The following RXRG variants were observed in gnomAD, a reference collection of about 807,000 sequenced individuals.
The protein encoded by RXRG is retinoic acid receptor RXR-gamma.
A neutral mutation model predicts 49.2 loss-of-function variants in RXRG; 19 were observed. The observed-to-expected ratio is 0.39, with a 90% confidence interval of 0.27 to 0.57. The LOEUF (loss-of-function observed/expected upper bound fraction) is 0.57, where lower values mean the gene tolerates loss of function less well. RXRG is among the 20% of genes least tolerant of loss of function. The pLI, the probability that RXRG is intolerant of heterozygous loss-of-function variation, is 0.64. For missense variants in RXRG, 452 were observed against 592.5 expected (o/e 0.76, Z 2.46); for synonymous variants, 224 against 216.6 (o/e 1.03, Z -0.30).
At position 165,401,322 on chromosome 1, in the gene RXRG, C is replaced by T; in HGVS notation, c.1333G>A (p.Asp445Asn). The T allele has an allele frequency of 4.3e-6, 7 of 1,614,100 alleles. No homozygotes were observed. The highest frequency in any genetic ancestry group is 5.9e-6 in the Non-Finnish European group (7 of 1,180,014). The stretch of plus-strand genomic sequence containing the variant: ...ATGAGGAAGGTGTCAATGGGGGTGT[C>T]CCCGATGAGCTTGAAGAAGAAGAGG... ...EHLFFFKLIG[D>N]TPIDTFLMEM... Residue 445 changes from aspartate to asparagine, a missense_variant, in exon 10 of 10, where the codon GAC becomes AAC. Transcript: ENST00000359842.
At position 165,401,323 on chromosome 1, in the gene RXRG, C is replaced by T; in HGVS notation, c.1332G>A (p.Gly444=). ...LEHLFFFKLI[G]DTPIDTFLME... The stretch of plus-strand genomic sequence containing the variant: ...TGAGGAAGGTGTCAATGGGGGTGTC[C>T]CCGATGAGCTTGAAGAAGAAGAGGT... The change falls in exon 10 of 10, where the codon GGG becomes GGA. Residue 444 remains glycine (G), a synonymous_variant. Transcript: ENST00000359842. 3 of 1,614,062 alleles carry T rather than the reference C, an allele frequency of 1.9e-6. No individual in the cohort carries two copies. Among genetic ancestry groups the T allele is most frequent in the Middle Eastern group, 1.6e-4 (1 of 6,062 alleles).
At chr1:165,404,566 A>G (rs1657686130) in intron 9 of RXRG, among the ~76,000 whole-genome samples, 1 of 152,220 alleles carries the variant, frequency 6.6e-6, no homozygotes, top group African/African-American at 2.4e-5. Flanking sequence ...ATTGAATAAA[A>G]TTTCTAGAAT....
intron 2 of RXRG, among the ~76,000 whole-genome samples, chr1:165,423,467 G>A (rs1658387890): frequency 6.6e-6 from 1 of 152,122 alleles, no homozygotes; most frequent in African/African-American, 2.4e-5. Flanking sequence ...CTGCATTTCT[G>A]AACTGTGTTC....
intron 2 of RXRG, among the ~76,000 whole-genome samples, chr1:165,428,180 C>G (rs187009051): frequency 8.5e-5 from 13 of 152,292 alleles, no homozygotes; most frequent in Admixed American, 2.0e-4. Context: ...GCAGAAGGCA[C>G]TCGAAATTAA....
At chr1:165,431,787 C>T (rs911799434) in intron 1 of RXRG, among the ~76,000 whole-genome samples, 13 of 152,248 alleles carry the variant, frequency 8.5e-5, no homozygotes, top group African/African-American at 3.1e-4. Context: ...TGTGGTCCCT[C>T]TGCCACCAGT....
chr1:165,444,196 C>A (rs865976431), intron 1 of RXRG, among the ~76,000 whole-genome samples: 1 of 152,126 alleles, frequency 6.6e-6, no homozygotes, highest in Admixed American at 6.5e-5. Flanking sequence ...ATCTCTACCC[C>A]CAGAGTGGAA....
At position 165,428,855 on chromosome 1, in the gene RXRG, C is replaced by G; in HGVS notation, c.161G>C (p.Arg54Pro). The G allele has an allele frequency of 6.2e-7, 1 of 1,614,082 alleles. No homozygotes were observed. Among genetic ancestry groups the G allele is most frequent in the Non-Finnish European group, 8.5e-7 (1 of 1,179,998 alleles). The change falls in exon 2 of 10, where the codon CGG becomes CCG. Residue 54 changes from arginine to proline, a missense_variant. This residue lies in a region of RXRG where 166 missense variants were observed against 151.7 expected (regional missense o/e 1.09). Coordinates refer to ENST00000359842, the MANE Select transcript of RXRG (RefSeq NM_006917.5). The part of the protein sequence containing the change: ...SYTDTPVSAP[R>P]TLSAVGTPLN... ...GGGGGTCCCCACTGCACTCAGAGTC[C>G]GTGGGGCACTCACTGGGGTATCTGT...
At chr1:165,442,180 A>C (rs1659028996) in intron 1 of RXRG, among the ~76,000 whole-genome samples, 1 of 152,178 alleles carries the variant, frequency 6.6e-6, no homozygotes, top group Admixed American at 6.5e-5. Flanking sequence ...GTTAGAGGCC[A>C]AAGGTGACGT....
intron 2 of RXRG, among the ~76,000 whole-genome samples, chr1:165,423,382 G>A (rs753896215): frequency 1.3e-5 from 2 of 152,198 alleles, no homozygotes; most frequent in East Asian, 1.9e-4. Flanking sequence ...CTGCTGGATC[G>A]TCTTCCCTTT....
chr1:165,422,028 C>T (rs190352177), intron 2 of RXRG, among the ~76,000 whole-genome samples: 15 of 152,260 alleles, frequency 9.9e-5, no homozygotes, highest in South Asian at 2.1e-4. Flanking sequence ...TAGCTGACCA[C>T]GGCTCTGTCC....
chr1:165,408,635 A>G (rs561563047), intron 7 of RXRG, among the ~76,000 whole-genome samples: 5 of 152,304 alleles, frequency 3.3e-5, no homozygotes, highest in Admixed American at 3.3e-4. Context: ...AAGTCTTGGA[A>G]ATTAGAAACG....
intron 1 of RXRG, among the ~76,000 whole-genome samples, chr1:165,437,744 T>C (rs556359359): frequency 1.6e-4 from 25 of 152,236 alleles, no homozygotes; most frequent in African/African-American, 4.1e-4. Flanking sequence ...AACTGGTACA[T>C]GATGTACCAG....
chr1:165,440,024 G>C (rs1430082893), intron 1 of RXRG, among the ~76,000 whole-genome samples: 1 of 152,196 alleles, frequency 6.6e-6, no homozygotes, highest in Non-Finnish European at 1.5e-5. Flanking sequence ...ATTGTGAAGA[G>C]ATAGAGTCAA....
chr1:165,437,304 C>T, intron 1 of RXRG: 3 of 1,088,480 alleles, frequency 2.8e-6, no homozygotes, highest in South Asian at 1.4e-5. Context: ...AAGCCCATTC[C>T]CTGCCCTGGC....
At chr1:165,406,224 A>ATGG (rs1657745347) in intron 9 of RXRG, among the ~76,000 whole-genome samples, 1 of 150,656 alleles carries the variant, frequency 6.6e-6, no homozygotes, top group African/African-American at 2.4e-5. Context: ...GATCTGCTAG[A>ATGG]CCAACATCCA....
chr1:165,434,725 C>CA (rs1658776303), intron 1 of RXRG, among the ~76,000 whole-genome samples: 1 of 152,238 alleles, frequency 6.6e-6, no homozygotes, highest in Non-Finnish European at 1.5e-5. Flanking sequence ...TGTCACACAC[C>CA]AAAGCCTGTC....
chr1:165,425,056 GC>G, intron 2 of RXRG: 1 of 549,654 alleles, frequency 1.8e-6, no homozygotes, highest in Non-Finnish European at 2.3e-6. Context: ...TCTGCACACA[GC>G]CCAGTTGGCC....
chr1:165,410,071 A>G (rs17469527), intron 6 of RXRG, among the ~76,000 whole-genome samples: 24,324 of 152,158 alleles, frequency 0.16, 2,111 homozygotes, highest in Middle Eastern at 0.24. Flanking sequence ...GGATCTGACA[A>G]CCTAGTTTTG....
At chr1:165,410,271 C>A (rs2101709982) in intron 6 of RXRG, among the ~76,000 whole-genome samples, 1 of 152,068 alleles carries the variant, frequency 6.6e-6, no homozygotes, top group South Asian at 2.1e-4. Flanking sequence ...TGCAAGTGTC[C>A]CAGAAATAGG....
Sources: allele counts gnomAD v4.1 joint callset (sites outside exome capture counted in the v4.1 genomes callset), GRCh38; gene constraint gnomAD v4.1.1; regional missense constraint gnomAD v4.1.1; transcripts MANE v1.5; gene names NCBI Gene and HGNC (gene_info 2026-07-23, HGNC 2026-07-21).